CYB5R1: variants seen among roughly 807,000 people sequenced by gnomAD.
CYB5R1 encodes NADH-cytochrome b5 reductase 1.
A neutral mutation model predicts 37.4 loss-of-function variants in CYB5R1; 32 were observed. That is an observed-to-expected ratio of 0.86 (90% CI 0.65 to 1.15). The LOEUF (loss-of-function observed/expected upper bound fraction) is 1.15, where lower values mean the gene tolerates loss of function less well. CYB5R1 is among the 50% of genes most tolerant of loss of function. The probability of loss-of-function intolerance (pLI) is 0.00; values close to 1 mark genes in which losing one functional copy is unlikely to be tolerated. For missense variants in CYB5R1, 345 were observed against 382.5 expected (o/e 0.90, Z 0.82); for synonymous variants, 159 against 155.2 (o/e 1.02, Z -0.18).
chr1:202,965,395 C>A lies in CYB5R1; in HGVS notation c.451G>T (p.Gly151Trp). 1 of 1,599,506 alleles carries A rather than the reference C, an allele frequency of 6.3e-7. No individual in the cohort carries two copies. Among genetic ancestry groups the A allele is most frequent in the Non-Finnish European group, 8.5e-7 (1 of 1,173,190 alleles). ...GDVVEFRGPSGLLTYTGKGHF... is the reference protein window; with the variant it reads ...GDVVEFRGPSWLLTYTGKGHF... ...CCTTTTCCAGTGTAAGTGAGCAACC[C>A]GCTTGGCCCCCGAAACTCCACCACA... The change falls in exon 5 of 9, where the codon GGG becomes TGG. Residue 151 changes from glycine (G) to tryptophan (W), a missense_variant. By Grantham distance (184) the Gly-to-Trp change is radical (BLOSUM62 -2). Transcript: ENST00000367249.
At chr1:202,964,839 T>C (rs1322692092) in intron 5 of CYB5R1, 144 bp from the exon 6 acceptor site, 1 of 678,372 alleles carries the variant, frequency 1.5e-6, no homozygotes, top group East Asian at 2.7e-5. Flanking sequence ...GAAGCTTGAG[T>C]TGAGCCAGCC....
intron 8 of CYB5R1, 32 bp from the exon 9 acceptor site, chr1:202,962,731 C>T (rs1222224835): frequency 7.4e-6 from 12 of 1,612,130 alleles, no homozygotes; most frequent in South Asian, 1.1e-5. Flanking sequence ...GTACTTAATA[C>T]TCCAGATACA....
In CYB5R1 at chr1:202,965,505, C is replaced by T. The variant is rs574520357; in HGVS notation, c.346-5G>A. The T allele has an allele frequency of 6.4e-7, 1 of 1,571,620 alleles. No individual in the cohort carries two copies. Among genetic ancestry groups the T allele is most frequent in the South Asian group, 1.2e-5 (1 of 84,334 alleles). On this transcript the variant is annotated splice_region_variant and splice_polypyrimidine_tract_variant and intron_variant, in intron 4 of 8. Coordinates refer to ENST00000367249, the MANE Select transcript of CYB5R1 (RefSeq NM_016243.3). ...GTGCACACCCTTCAGGTAGACCTTA[C>T]AAGACAGAGAGAAAAATACCTTATT...
chr1:202,963,146 A>G lies in CYB5R1; in HGVS notation c.665T>C (p.Leu222Ser). 2 of 1,614,054 alleles carry G rather than the reference A, an allele frequency of 1.2e-6. No homozygotes were observed. Among genetic ancestry groups the G allele is most frequent in the Non-Finnish European group, 1.7e-6 (2 of 1,179,898 alleles). ...FANQTEKDII[L>S]REDLEELQAR... is the part of the protein sequence containing the mutation. Reference sequence around the variant, plus strand: ...CTGCAGTTCCTCTAAGTCCTCCCGCAAGATGATATCCTTTTCTGTCTGAAA... The same window carrying G: ...CTGCAGTTCCTCTAAGTCCTCCCGCGAGATGATATCCTTTTCTGTCTGAAA... The change falls in exon 8 of 9, where the codon TTG (leucine) becomes TCG (serine). Residue 222 changes from leucine (L) to serine (S), a missense_variant. Transcript: ENST00000367249.
In CYB5R1 at chr1:202,965,959, G is replaced by GC; in HGVS notation, c.272dup (p.Ser92GlnfsTer13). ...GAGTGTATGGCCTGATGACCAGGCT[G>GC]CCATCAATTCGGGTGGAGAGGTAGA... is the stretch of plus-strand genomic sequence containing the variant. On this transcript the variant is annotated frameshift_variant, in exon 4 of 9. Transcript: ENST00000367249. LOFTEE classifies it high-confidence loss of function. The GC allele has an allele frequency of 1.2e-6, 2 of 1,613,988 alleles. No individual in the cohort carries two copies. The highest frequency in any genetic ancestry group is 1.7e-6 in the Non-Finnish European group (2 of 1,179,850).
chr1:202,962,804 G>A, intron 8 of CYB5R1, 105 bp from the exon 9 acceptor site: 1 of 1,405,146 alleles, frequency 7.1e-7, no homozygotes, highest in Non-Finnish European at 9.9e-7. Flanking sequence ...TGGAGAAAGT[G>A]TCAAGTGGTA....
chr1:202,966,550 G>A lies in CYB5R1; in HGVS notation c.216C>T (p.His72=), dbSNP rs1159700642. The change falls in exon 3 of 9, where the codon CAC becomes CAT. Residue 72 remains histidine (H), a synonymous_variant. Coordinates refer to ENST00000367249, the MANE Select transcript of CYB5R1 (RefSeq NM_016243.3). ...TACCCACAGGCAGCCCCAGAGTGTG[G>A]TGGGCGGTGGGCAGGGCAAAGCGGA... The part of the protein sequence containing the change: ...KRFRFALPTA[H]HTLGLPVGKH... The A allele has an allele frequency of 2.5e-6, 4 of 1,614,086 alleles. No homozygotes were observed. Among genetic ancestry groups the A allele is most frequent in the Non-Finnish European group, 1.7e-6 (2 of 1,180,024 alleles).
intron 1 of CYB5R1, 137 bp from the exon 2 acceptor site, chr1:202,967,035 C>A: frequency 7.0e-7 from 1 of 1,432,566 alleles, no homozygotes; most frequent in East Asian, 2.5e-5. Flanking sequence ...GGCGGAGTCC[C>A]GAGCCCGGAT....
chr1:202,966,608 G>A lies in CYB5R1; in HGVS notation c.166-8C>T. The A allele has an allele frequency of 6.2e-7, 1 of 1,614,186 alleles. No homozygotes were observed. The highest frequency in any genetic ancestry group is 2.2e-5 in the East Asian group (1 of 44,890). ...GGTGTTGTGGCTCACAGTCTGGAGGGTGGAGGACACAAGTGTTTCACCAAG... is the reference window on the plus strand; with the variant it reads ...GGTGTTGTGGCTCACAGTCTGGAGGATGGAGGACACAAGTGTTTCACCAAG... On this transcript the variant is annotated splice_polypyrimidine_tract_variant and splice_region_variant and intron_variant, in intron 2 of 8. Transcript: ENST00000367249.
chr1:202,966,158 T>C (rs1387462842), intron 3 of CYB5R1, 165 bp from the exon 4 acceptor site: 11 of 615,242 alleles, frequency 1.8e-5, no homozygotes, highest in Non-Finnish European at 2.6e-5. Flanking sequence ...TTGGATCTCT[T>C]ATAAGCGCCC....
chr1:202,965,691 G>C (rs891986737), intron 4 of CYB5R1, among the ~76,000 whole-genome samples, 191 bp from the exon 5 acceptor site: 4 of 150,022 alleles, frequency 2.7e-5, no homozygotes, highest in Non-Finnish European at 4.4e-5. Context: ...TGAGTGCAGT[G>C]GCGCAATCTT....
chr1:202,962,012 T>C lies in CYB5R1; in HGVS notation c.*515A>G, dbSNP rs1478992878. 2 of 152,302 alleles carry C rather than the reference T, an allele frequency of 1.3e-5. No homozygotes were observed. Among genetic ancestry groups the C allele is most frequent in the African/African-American group, 4.8e-5 (2 of 41,450 alleles). The allele number at this position is 152,302 out of a possible 1,614,324, so 9.4% of individuals were successfully genotyped here. On this transcript the variant is annotated 3_prime_UTR_variant, in exon 9 of 9. Coordinates refer to ENST00000367249, the MANE Select transcript of CYB5R1 (RefSeq NM_016243.3). ...GAGAGAGACACACACAGAAATATGA[T>C]ATTTCAGACTCCTTTGAGATCTGAA...
In CYB5R1 at chr1:202,965,145, C is replaced by A. The variant is rs184782758; in HGVS notation, c.475+226G>T. 4 of 543,950 alleles carry A rather than the reference C, an allele frequency of 7.4e-6. No individual in the cohort carries two copies. The African/African-American group carries it at 7.8e-5, about 11-fold the overall frequency. The allele number at this position is 543,950 out of a possible 1,614,324, so 33.7% of individuals were successfully genotyped here. A position where few individuals can be genotyped will look rare whatever the true frequency, so the allele number is the denominator to read the frequency against. On this transcript the variant is annotated intron_variant, in intron 5 of 8. Transcript: ENST00000367249. ...AGGGGCACATGTTTGCTTTAGTAAT[C>A]TCCACAGCTGCCATGGCTAGGGAAT...
chr1:202,965,484 A>G lies in CYB5R1; in HGVS notation c.362T>C (p.Val121Ala), dbSNP rs1193200007. The G allele has an allele frequency of 1.3e-6, 2 of 1,599,526 alleles. No homozygotes were observed. Among genetic ancestry groups the G allele is most frequent in the African/African-American group, 2.7e-5 (2 of 74,088 alleles). Residue 121 changes from valine to alanine, a missense_variant, in exon 5 of 9, where the codon GTG becomes GCG. Transcript: ENST00000367249. ...DLVIKVYLKG[V>A]HPKFPEGGKM... ...CCCTCCCTCAGGAAATTTGGGGTGCACACCCTTCAGGTAGACCTTACAAGA... is the reference window on the plus strand; with the variant it reads ...CCCTCCCTCAGGAAATTTGGGGTGCGCACCCTTCAGGTAGACCTTACAAGA...
Position 202,965,437 on chromosome 1 carries a change from T to C in CYB5R1, c.409A>G (p.Ser137Gly). The C allele has an allele frequency of 1.2e-6, 2 of 1,608,362 alleles. No homozygotes were observed. The highest frequency in any genetic ancestry group is 8.5e-7 in the Non-Finnish European group (1 of 1,177,174). ...EGGKMSQYLD[S>G]LKVGDVVEFR... ...TCCACCACATCCCCAACCTTCAGGCTATCCAGGTACTGAGACATCTTCCCT... is the reference window on the plus strand; with the variant it reads ...TCCACCACATCCCCAACCTTCAGGCCATCCAGGTACTGAGACATCTTCCCT... The change falls in exon 5 of 9, where the codon AGC (serine) becomes GGC (glycine). Residue 137 changes from serine (S) to glycine (G), a missense_variant. Physicochemically the swap from Ser to Gly is moderately conservative, Grantham distance 56 (BLOSUM62 0). Transcript: ENST00000367249.
intron 4 of CYB5R1, among the ~76,000 whole-genome samples, 193 bp from the exon 5 acceptor site, chr1:202,965,693 C>T (rs371725134): frequency 4.7e-5 from 7 of 149,356 alleles, no homozygotes; most frequent in Admixed American, 2.0e-4. Flanking sequence ...AGTGCAGTGG[C>T]GCAATCTTGG....
At position 202,962,650 on chromosome 1, in the gene CYB5R1, G is replaced by A. The variant is rs773777113; in HGVS notation, c.795C>T (p.His265=). The change falls in exon 9 of 9, where the codon CAC becomes CAT. Residue 265 remains histidine (H), a synonymous_variant. Coordinates refer to ENST00000367249, the MANE Select transcript of CYB5R1 (RefSeq NM_016243.3). ...GCACATCATCCCCTGGAGCGGGCAGGTGTTCCCGGATCATGTCGGCAGTCA... is the reference window on the plus strand; with the variant it reads ...GCACATCATCCCCTGGAGCGGGCAGATGTTCCCGGATCATGTCGGCAGTCA... The part of the protein sequence containing the change: ...GFVTADMIRE[H]LPAPGDDVLV... The A allele has an allele frequency of 1.9e-6, 3 of 1,614,172 alleles. No individual in the cohort carries two copies. Among genetic ancestry groups the A allele is most frequent in the Non-Finnish European group, 2.5e-6 (3 of 1,180,032 alleles).
At chr1:202,963,856 C>T (rs1655039952) in intron 6 of CYB5R1, 129 bp from the exon 7 acceptor site, 2 of 528,522 alleles carry the variant, frequency 3.8e-6, no homozygotes, top group African/African-American at 4.0e-5. Context: ...CTTTAGCATT[C>T]TCATCCTCTA....
intron 4 of CYB5R1, 25 bp downstream of exon 4, chr1:202,965,862 C>T (rs749494140): frequency 1.3e-6 from 2 of 1,497,650 alleles, no homozygotes; most frequent in African/African-American, 2.8e-5. Flanking sequence ...GTAAGCAGCC[C>T]CTGGGTCCCT....
Sources: gnomAD v4.1 joint callset for allele counts (sites outside exome capture counted in the v4.1 genomes callset) on GRCh38, gnomAD v4.1.1 for gene constraint, MANE v1.5 for transcripts, NCBI Gene and HGNC (gene_info 2026-07-23, HGNC 2026-07-21) for gene names.